The following ZNF121 variants were observed in gnomAD, a reference collection of about 807,000 sequenced individuals.
The protein encoded by ZNF121 is zinc finger protein 121 (clone ZHC32).
ZNF121 carries 1 observed loss-of-function variant against 2.4 expected under a neutral mutation model. That is an observed-to-expected ratio of 0.41 (90% CI 0.15 to 1.94). The LOEUF is 1.94. Ranked by LOEUF, ZNF121 falls within the 30% of genes most tolerant of loss-of-function variation. ZNF121 has a pLI of 0.30. For synonymous variants in ZNF121, 173 were observed against 158.6 expected (o/e 1.09, Z -0.68); for missense variants, 369 against 466.3 (o/e 0.79, Z 1.92).
chr19:9,567,734 T>C, intron 3 of ZNF121: 2 of 279,460 alleles, frequency 7.2e-6, no homozygotes, highest in South Asian at 4.0e-5. Flanking sequence ...TGACAGATCA[T>C]CAGTCTCATA....
intron 1 of ZNF121, among the ~76,000 whole-genome samples, chr19:9,572,989 T>C (rs538391784): frequency 9.4e-4 from 143 of 152,180 alleles, no homozygotes; most frequent in African/African-American, 3.3e-3. Context: ...CACTGCAACC[T>C]GGGTGACAGA....
chr19:9,582,870 T>A (rs2074257296), intron 1 of ZNF121, among the ~76,000 whole-genome samples: 1 of 152,066 alleles, frequency 6.6e-6, no homozygotes, highest in Non-Finnish European at 1.5e-5. Flanking sequence ...GTTAATAAAT[T>A]CAATAGATAC....
intron 1 of ZNF121, among the ~76,000 whole-genome samples, chr19:9,581,262 G>T (rs1170765181): frequency 6.6e-6 from 1 of 152,204 alleles, no homozygotes; most frequent in Non-Finnish European, 1.5e-5. Context: ...GAGCACACCT[G>T]AACAAAGGGG....
chr19:9,571,425 T>C (rs751853195), intron 1 of ZNF121, among the ~76,000 whole-genome samples: 1 of 152,216 alleles, frequency 6.6e-6, no homozygotes, highest in African/African-American at 2.4e-5. Flanking sequence ...ATCATGAACT[T>C]AGGTGATCAC....
At chr19:9,571,604 A>AT (rs575784996) in intron 1 of ZNF121, among the ~76,000 whole-genome samples, 71 of 152,316 alleles carry the variant, frequency 4.7e-4, no homozygotes, top group African/African-American at 1.7e-3. Flanking sequence ...ATGTATCTTC[A>AT]TAACATTGCC....
chr19:9,577,083 C>T (rs976489711), intron 1 of ZNF121, among the ~76,000 whole-genome samples: 1 of 152,158 alleles, frequency 6.6e-6, no homozygotes, highest in African/African-American at 2.4e-5. Flanking sequence ...GAGAATATTT[C>T]CAAACTTGGT....
At chr19:9,573,694 GC>G (rs2074189664) in intron 1 of ZNF121, among the ~76,000 whole-genome samples, 1 of 152,136 alleles carries the variant, frequency 6.6e-6, no homozygotes, top group Admixed American at 6.6e-5. Context: ...CTACTACAAA[GC>G]ATACAATCTT....
At position 9,565,772 on chromosome 19, in the gene ZNF121, CAT is replaced by C. The variant is rs1357493455; in HGVS notation, c.*166_*167del. On this transcript the variant is annotated 3_prime_UTR_variant, in exon 4 of 4. Coordinates refer to ENST00000320451, the MANE Select transcript of ZNF121 (RefSeq NM_001008727.5). ...ACATTCCTAAAATTTATAGGGGACA[CAT>C]AGAGTATGAGTTCTTTCATGTCTTC... 9 of 453,058 alleles carry C rather than the reference CAT, an allele frequency of 2.0e-5. No homozygotes were observed. Among genetic ancestry groups the C allele is most frequent in the Non-Finnish European group, 3.1e-5 (8 of 258,266 alleles). The allele number at this position is 453,058 out of a possible 1,614,324, so 28.1% of individuals were successfully genotyped here. A position where few individuals can be genotyped will look rare whatever the true frequency, so the allele number is the denominator to read the frequency against.
chr19:9,580,316 GAT>G (rs1460319200), intron 1 of ZNF121, among the ~76,000 whole-genome samples: 1 of 151,070 alleles, frequency 6.6e-6, no homozygotes, highest in East Asian at 1.9e-4. Flanking sequence ...AAAAAAAAAA[GAT>G]AGATATTCCC....
In ZNF121 at chr19:9,565,375, A is replaced by AAAAAAAC. The variant is rs2074123239; in HGVS notation, c.*564_*565insGTTTTTT. 6.9e-6 allele frequency: 1 copy of AAAAAAAC among 145,016 alleles called. No individual in the cohort carries two copies. Among genetic ancestry groups the AAAAAAAC allele is most frequent in the Non-Finnish European group, 1.5e-5 (1 of 66,664 alleles). The allele number at this position is 145,016 out of a possible 1,614,324, so 9.0% of individuals were successfully genotyped here. A position where few individuals can be genotyped will look rare whatever the true frequency, so the allele number is the denominator to read the frequency against. On this transcript the variant is annotated 3_prime_UTR_variant, in exon 4 of 4. Transcript: ENST00000320451. ...TTACAAAAAAAAAAAAAAAAAAAAA[A>AAAAAAAC]AAAAAAAAAAAAGGCCAGGAGCAGT...
intron 1 of ZNF121, among the ~76,000 whole-genome samples, chr19:9,569,538 G>GTT (rs895171146): frequency 1.4e-5 from 2 of 145,782 alleles, no homozygotes; most frequent in African/African-American, 5.0e-5. Context: ...TTCTGGTTTT[G>GTT]TTTTTTTTTT....
chr19:9,566,474 T>C lies in ZNF121; in HGVS notation c.639A>G (p.Ser213=). 1 of 1,613,990 alleles carries C rather than the reference T, an allele frequency of 6.2e-7. No homozygotes were observed. Among genetic ancestry groups the C allele is most frequent in the Non-Finnish European group, 8.5e-7 (1 of 1,179,932 alleles). The change falls in exon 4 of 4, where the codon TCA becomes TCG. Residue 213 remains serine (S), a synonymous_variant. Transcript: ENST00000320451. ...KECGRAFAGR[S]GLTKHVRIHT... ...GTATTCGTACATGTTTAGTAAGGCC[T>C]GAGCGCCCAGCGAAGGCTCTTCCAC... is the stretch of plus-strand genomic sequence containing the variant.
intron 1 of ZNF121, among the ~76,000 whole-genome samples, chr19:9,581,561 A>G (rs1009824526): frequency 6.6e-5 from 10 of 152,070 alleles, no homozygotes; most frequent in African/African-American, 2.2e-4. Context: ...AAGGAGAAAA[A>G]GGGGGGGTAC....
At position 9,566,350 on chromosome 19, in the gene ZNF121, G is replaced by T. The variant is rs1454463181; in HGVS notation, c.763C>A (p.Pro255Thr). ...EHFKTHTEEK[P>T]FECKVCGKSF... ...TTTCCACATACCTTACATTCAAAGG[G>T]CTTCTCCTCTGTGTGAGTTTTAAAA... Residue 255 changes from proline to threonine, a missense_variant, in exon 4 of 4, where the codon CCC (proline) becomes ACC (threonine). By Grantham distance (38) the Pro-to-Thr change is conservative. Transcript: ENST00000320451. 1 of 1,613,794 alleles carries T rather than the reference G, an allele frequency of 6.2e-7. No individual in the cohort carries two copies. The highest frequency in any genetic ancestry group is 8.5e-7 in the Non-Finnish European group (1 of 1,179,950).
chr19:9,567,209 G>T, intron 3 of ZNF121, 100 bp from the exon 4 acceptor site: 1 of 1,172,902 alleles, frequency 8.5e-7, no homozygotes, highest in Non-Finnish European at 1.2e-6. Context: ...TATAATTTTT[G>T]CCATTTTCAT....
At position 9,565,761 on chromosome 19, in the gene ZNF121, T is replaced by C. The variant is rs896872714; in HGVS notation, c.*179A>G. The C allele has an allele frequency of 3.0e-4, 116 of 392,918 alleles. No homozygotes were observed. The highest frequency in any genetic ancestry group is 2.2e-3 in the African/African-American group (109 of 48,638). 24.3% of individuals were successfully genotyped at this position (392,918 alleles called of 1,614,324 possible). On this transcript the variant is annotated 3_prime_UTR_variant, in exon 4 of 4. Coordinates refer to ENST00000320451, the MANE Select transcript of ZNF121 (RefSeq NM_001008727.5). ...TTGGCTCCCTAACATTCCTAAAATT[T>C]ATAGGGGACACATAGAGTATGAGTT...
rs148354014 is a variant in ZNF121 at position 9,573,598 on chromosome 19, TAAC to T, written c.-159-4519_-159-4517del. On this transcript the variant is annotated intron_variant, in intron 1 of 3. Transcript: ENST00000320451. ...AGCTTTGAAAGCTTTATTAAGGAAA[TAAC>T]AAGATTCCAAAAATTGAGAAAAATA... 8.2e-4 allele frequency among the ~76,000 whole-genome samples: 124 copies of T among 152,138 alleles called. 3 individuals carry two copies. In the East Asian group the frequency reaches 0.024, roughly 29 times the overall value.
intron 1 of ZNF121, among the ~76,000 whole-genome samples, chr19:9,571,292 T>C (rs977302349): frequency 6.6e-6 from 1 of 152,112 alleles, no homozygotes. Flanking sequence ...AGTGTACCAA[T>C]CTCTGTACTT....
chr19:9,565,669 C>CAAATAAAATAAAATAAAATAAAATA lies in ZNF121; in HGVS notation c.*246_*270dup, dbSNP rs57109713. ...TGATGACAACAGCAAAACTCTGTCT[C>CAAATAAAATAAAATAAAATAAAATA]AAATAAAATAAAATAAAATAAAATA... On this transcript the variant is annotated 3_prime_UTR_variant, in exon 4 of 4. Transcript: ENST00000320451. The CAAATAAAATAAAATAAAATAAAATA allele has an allele frequency of 4.7e-5, 7 of 148,270 alleles. No homozygotes were observed. The highest frequency in any genetic ancestry group is 7.2e-5 in the Non-Finnish European group (5 of 69,134). 9.2% of individuals were successfully genotyped at this position (148,270 alleles called of 1,614,324 possible). A position where few individuals can be genotyped will look rare whatever the true frequency, so the allele number is the denominator to read the frequency against.
Sources: gnomAD v4.1 joint callset for allele counts (sites outside exome capture counted in the v4.1 genomes callset) on GRCh38, gnomAD v4.1.1 for gene constraint, MANE v1.5 for transcripts, NCBI Gene and HGNC (gene_info 2026-07-23, HGNC 2026-07-21) for gene names.